SEMA4G: variants seen among roughly 807,000 people sequenced by gnomAD.
The protein encoded by SEMA4G is semaphorin 4G, also known as semaphorin-4G.
Under a neutral mutation model 81.2 loss-of-function variants are expected in SEMA4G, and 59 were observed. That is an observed-to-expected ratio of 0.73 (90% confidence interval 0.59 to 0.90). The LOEUF (loss-of-function observed/expected upper bound fraction) is 0.90. Ranked by LOEUF, SEMA4G falls within the 40% of genes least tolerant of loss-of-function variation. The pLI is 0.00. For missense variants in SEMA4G, 952 were observed against 1,102.3 expected (o/e 0.86, Z 1.93); for synonymous variants, 404 against 433.9 (o/e 0.93, Z 0.86).
chr10:100,984,520 T>C (rs1022174562), exon 14 of SEMA4G: 39 of 1,535,988 alleles, frequency 2.5e-5, no homozygotes, highest in African/African-American at 5.5e-5. Flanking sequence ...ATGGGCTCAA[T>C]GTCACCACCC....
exon 1 of SEMA4G, chr10:100,972,825 CT>C (rs1850669406): frequency 1.4e-6 from 2 of 1,452,758 alleles, no homozygotes; most frequent in Non-Finnish European, 1.9e-6. Context: ...ACTTTGACCC[CT>C]GTGACTGTGC....
chr10:100,970,965 A>T (rs888724497), upstream of SEMA4G, among the ~76,000 whole-genome samples: 1 of 152,162 alleles, frequency 6.6e-6, no homozygotes, highest in Non-Finnish European at 1.5e-5. Flanking sequence ...TGCTGAATGG[A>T]TGGGCATGTA....
At chr10:100,969,810 G>A (rs1850578535), upstream of SEMA4G, 1 of 448,554 alleles carries the variant, frequency 2.2e-6, no homozygotes, top group Non-Finnish European at 4.5e-6. Flanking sequence ...TCGGGGACCA[G>A]CGCGGGGAGG....
At chr10:100,980,237 G>A (rs371636173) in exon 10 of SEMA4G, 18 of 1,614,100 alleles carry the variant, frequency 1.1e-5, no homozygotes, top group Middle Eastern at 1.6e-4. Context: ...GTGCCCACAC[G>A]TGGACGGCCC....
exon 10 of SEMA4G, chr10:100,980,192 T>C: frequency 6.2e-7 from 1 of 1,614,250 alleles, no homozygotes; most frequent in Non-Finnish European, 8.5e-7. Context: ...GTCCTGGACT[T>C]TGTAAAGTTG....
exon 14 of SEMA4G, chr10:100,983,682 A>C: frequency 6.2e-7 from 1 of 1,613,476 alleles, no homozygotes; most frequent in South Asian, 1.1e-5. Context: ...CCTCTGCCTC[A>C]TCCTGGCCTC....
chr10:100,972,735 A>C, exon 1 of SEMA4G: 14 of 546,376 alleles, frequency 2.6e-5, no homozygotes, highest in East Asian at 6.4e-5. Context: ...TGTCCCCCCG[A>C]TTCCAGGACC....
exon 9 of SEMA4G, chr10:100,979,949 G>C (rs1850981685): frequency 6.2e-7 from 1 of 1,614,018 alleles, no homozygotes; most frequent in African/African-American, 1.3e-5. Flanking sequence ...TCCCGGCGCT[G>C]GGGTCGCTAT....
chr10:100,981,019 C>A (rs1356637927), intron 12 of SEMA4G, 22 bp downstream of exon 13: 11 of 1,592,558 alleles, frequency 6.9e-6, no homozygotes, highest in Non-Finnish European at 9.4e-6. Flanking sequence ...TGGGGGGTGA[C>A]AGTCACATGT....
Position 100,973,401 on chromosome 10 carries a change from C to A in SEMA4G, c.273+124C>A. 7.1e-7 allele frequency: 1 copy of A among 1,416,242 alleles called. No homozygotes were observed. Among genetic ancestry groups the A allele is most frequent in the Non-Finnish European group, 9.7e-7 (1 of 1,029,884 alleles). The allele number at this position is 1,416,242 out of a possible 1,614,324, so 87.7% of individuals were successfully genotyped here. A position where few individuals can be genotyped will look rare whatever the true frequency, so the allele number is the denominator to read the frequency against. On this transcript the variant is annotated intron_variant, in intron 2 of 13. Transcript: ENST00000370250. The surrounding 1 kb of genome is among the most constrained non-coding windows in gnomAD (Gnocchi z 5.5). ...CCTGGTCAGACAGCACTGCCCTTCC[C>A]AGCCCAGGTGTTCCTTGCATTCAGT... is the stretch of plus-strand genomic sequence containing the variant.
chr10:100,981,760 A>C (rs1851086861), intron 13 of SEMA4G, among the ~76,000 whole-genome samples: 1 of 152,216 alleles, frequency 6.6e-6, no homozygotes, highest in Non-Finnish European at 1.5e-5. Context: ...AAGAAACTGG[A>C]CCAGAATTCA....
intron 12 of SEMA4G, 24 bp from the exon 14 acceptor site, chr10:100,981,144 A>G (rs1203558094): frequency 1.9e-6 from 3 of 1,614,114 alleles, no homozygotes; most frequent in Admixed American, 1.7e-5. Flanking sequence ...CCCCTTGTTC[A>G]TAAAACCTGA....
Position 100,977,952 on chromosome 10 carries a change from C to T in SEMA4G, c.435+222C>T, listed in dbSNP as rs1850873269. The T allele has an allele frequency of 6.9e-6, 4 of 580,648 alleles. No individual in the cohort carries two copies. In the Admixed American group the frequency reaches 1.2e-4, roughly 18 times the overall value. The allele number at this position is 580,648 out of a possible 1,614,324, so 36.0% of individuals were successfully genotyped here. ...AGCATTTTCACTTAGCATCCTCCCC[C>T]TAATCACCTCCACCTGGCAAACTTC... On this transcript the variant is annotated intron_variant, in intron 4 of 13. Coordinates refer to ENST00000370250, the Ensembl canonical transcript of SEMA4G.
intron 3 of SEMA4G, chr10:100,974,999 CA>C (rs1353373743): frequency 7.5e-6 from 4 of 532,490 alleles, no homozygotes; most frequent in African/African-American, 5.8e-5. Flanking sequence ...CAAGGTGGGC[CA>C]GGGGTGGTGT....
At chr10:100,971,392 C>A (rs1850627559), upstream of SEMA4G, among the ~76,000 whole-genome samples, 1 of 152,226 alleles carries the variant, frequency 6.6e-6, no homozygotes, top group African/African-American at 2.4e-5. Flanking sequence ...AAACAGGGAG[C>A]CTATGCCCTT....
chr10:100,970,660 C>T (rs1187842987), upstream of SEMA4G, among the ~76,000 whole-genome samples: 1 of 152,198 alleles, frequency 6.6e-6, no homozygotes, highest in South Asian at 2.1e-4. Flanking sequence ...CTCTGCATCT[C>T]ACCCCAGTGG....
rs1168374434 is a variant in SEMA4G, at chr10:100,981,166, A to G, written c.1629-2A>G. The G allele has an allele frequency of 1.2e-6, 2 of 1,614,230 alleles. No individual in the cohort carries two copies. The highest frequency in any genetic ancestry group is 1.7e-6 in the Non-Finnish European group (2 of 1,180,020). The stretch of plus-strand genomic sequence containing the variant: ...TTCATAAAACCTGATCTTCTGTCCC[A>G]GGACAGCACTGATACAGGACATAGA... On this transcript the variant is annotated splice_acceptor_variant, in intron 12 of 13. Transcript: ENST00000370250. LOFTEE classifies it high-confidence loss of function.
chr10:100,978,936 A>C, exon 7 of SEMA4G: 1 of 1,614,112 alleles, frequency 6.2e-7, no homozygotes, highest in Non-Finnish European at 8.5e-7. Context: ...TTCTTCACGG[A>C]GCGTGCCACT....
chr10:100,974,890 T>G (rs1850731924), intron 3 of SEMA4G: 1 of 427,380 alleles, frequency 2.3e-6, no homozygotes, highest in East Asian at 7.3e-5. Context: ...GGCAGGAGGA[T>G]CACTTGAGCC....
Sources: allele counts gnomAD v4.1 joint callset (sites outside exome capture counted in the v4.1 genomes callset), GRCh38; gene constraint gnomAD v4.1.1; non-coding constraint Gnocchi (gnomAD v3.1); transcripts MANE v1.5; gene names NCBI Gene and HGNC (gene_info 2026-07-23, HGNC 2026-07-21).